The following FRMD6 variants were observed in gnomAD, a reference collection of about 807,000 sequenced individuals.
FRMD6 encodes FERM domain-containing protein 6.
A neutral mutation model predicts 73.2 loss-of-function variants in FRMD6; 37 were observed. The observed-to-expected ratio is 0.51, with a 90% confidence interval of 0.39 to 0.66. FRMD6 has a LOEUF of 0.66. Ranked by LOEUF, FRMD6 falls within the 30% of genes least tolerant of loss-of-function variation. FRMD6 has a pLI of 0.00. For synonymous variants in FRMD6, 273 were observed against 282.2 expected (o/e 0.97, Z 0.33); for missense variants, 714 against 780.5 (o/e 0.91, Z 1.02).
chr14:51,536,947 C>A (rs1446509034), intron 1 of FRMD6, among the ~76,000 whole-genome samples: 2 of 152,118 alleles, frequency 1.3e-5, no homozygotes, highest in African/African-American at 2.4e-5. Flanking sequence ...ACCCCCTGCC[C>A]CCCACACACA....
intron 1 of FRMD6, among the ~76,000 whole-genome samples, chr14:51,653,784 G>T (rs961932093): frequency 6.6e-6 from 1 of 152,154 alleles, no homozygotes; most frequent in Non-Finnish European, 1.5e-5. Context: ...CACAATATGA[G>T]ACAGCTGGCA....
At chr14:51,569,299 G>GC (rs1887968159) in intron 1 of FRMD6, among the ~76,000 whole-genome samples, 1 of 152,082 alleles carries the variant, frequency 6.6e-6, no homozygotes, top group Non-Finnish European at 1.5e-5. Context: ...ACAGACAACA[G>GC]CCTTGCATTA....
At chr14:51,608,865 A>G (rs1890372830) in intron 2 of FRMD6, among the ~76,000 whole-genome samples, 2 of 152,206 alleles carry the variant, frequency 1.3e-5, no homozygotes, top group Admixed American at 1.3e-4. Context: ...ATTGGGAATC[A>G]GTGATCCATA....
intron 2 of FRMD6, among the ~76,000 whole-genome samples, chr14:51,572,929 T>A (rs1888207557): frequency 6.6e-6 from 1 of 152,104 alleles, no homozygotes; most frequent in Non-Finnish European, 1.5e-5. Flanking sequence ...CAGTAAATTT[T>A]TGGAGACAGA....
At chr14:51,443,120 G>A in the FRMD6 span, among the ~76,000 whole-genome samples, 1 of 152,156 alleles carries the variant, frequency 6.6e-6, no homozygotes, top group Non-Finnish European at 1.5e-5. Context: ...TGCCACTACT[G>A]GCTCAGGACA....
intron 1 of FRMD6, among the ~76,000 whole-genome samples, chr14:51,689,005 T>C (rs990870949): frequency 6.6e-6 from 1 of 152,260 alleles, no homozygotes; most frequent in African/African-American, 2.4e-5. Flanking sequence ...TGGTTTGATA[T>C]ATACAGTCTT....
intron 1 of FRMD6, among the ~76,000 whole-genome samples, chr14:51,527,532 TCTC>T (rs1167179444): frequency 6.6e-6 from 1 of 152,124 alleles, no homozygotes; most frequent in Admixed American, 6.6e-5. Flanking sequence ...AATAGTACTC[TCTC>T]CTCCTTTCCC....
At chr14:51,499,628 G>T (rs1265033537) in intron 1 of FRMD6, among the ~76,000 whole-genome samples, 1 of 152,194 alleles carries the variant, frequency 6.6e-6, no homozygotes, top group East Asian at 1.9e-4. Context: ...TCTAATCACT[G>T]TCCCACAGCT....
chr14:51,618,333 A>G (rs1890793411), intron 2 of FRMD6, among the ~76,000 whole-genome samples: 1 of 152,220 alleles, frequency 6.6e-6, no homozygotes, highest in Non-Finnish European at 1.5e-5. Context: ...ACTAGAGTGT[A>G]GAGAGCCAAG....
At chr14:51,463,518 T>A in the FRMD6 span, among the ~76,000 whole-genome samples, 1 of 152,208 alleles carries the variant, frequency 6.6e-6, no homozygotes, top group Admixed American at 6.5e-5. Context: ...CCCATGAATA[T>A]GGAGGGCCAA....
chr14:51,655,314 C>G (rs1168572893), intron 1 of FRMD6, among the ~76,000 whole-genome samples: 1 of 152,166 alleles, frequency 6.6e-6, no homozygotes, highest in African/African-American at 2.4e-5. Context: ...TATATCATTA[C>G]ACATTTTGGG....
chr14:51,453,617 C>G, the FRMD6 span, among the ~76,000 whole-genome samples: 1 of 152,160 alleles, frequency 6.6e-6, no homozygotes, highest in African/African-American at 2.4e-5. Flanking sequence ...TCAAATTATT[C>G]TCTTTAGAAT....
the FRMD6 span, among the ~76,000 whole-genome samples, chr14:51,478,940 C>A: frequency 6.6e-6 from 1 of 152,110 alleles, no homozygotes. Flanking sequence ...AGAAGAAATT[C>A]GGAGAAAACC....
chr14:51,517,436 A>G (rs1238457722), intron 1 of FRMD6, among the ~76,000 whole-genome samples: 2 of 152,186 alleles, frequency 1.3e-5, no homozygotes, highest in African/African-American at 4.8e-5. Context: ...ATTAATAAAG[A>G]GAGCTGTTTA....
At chr14:51,573,219 C>T (rs907056936) in intron 2 of FRMD6, among the ~76,000 whole-genome samples, 1 of 152,152 alleles carries the variant, frequency 6.6e-6, no homozygotes. Flanking sequence ...CCCACTTTGT[C>T]CTCAGTCAGT....
At chr14:51,593,144 G>T (rs537474780) in intron 2 of FRMD6, among the ~76,000 whole-genome samples, 2 of 152,262 alleles carry the variant, frequency 1.3e-5, no homozygotes, top group East Asian at 3.9e-4. Flanking sequence ...AGGGTCCTCG[G>T]TGTAACTGAT....
intron 1 of FRMD6, among the ~76,000 whole-genome samples, chr14:51,553,977 C>T (rs1886980611): frequency 1.3e-5 from 2 of 151,900 alleles, no homozygotes; most frequent in African/African-American, 2.4e-5. Context: ...GGCCATTATC[C>T]AATAAAAAGA....
At chr14:51,695,286 C>T (rs1895868364) in intron 2 of FRMD6, among the ~76,000 whole-genome samples, 1 of 152,134 alleles carries the variant, frequency 6.6e-6, no homozygotes, top group Non-Finnish European at 1.5e-5. Context: ...TTGATGTGTT[C>T]TCCTCTTCTT....
chr14:51,701,067 G>T lies in FRMD6; in HGVS notation c.202G>T (p.Val68Leu), dbSNP rs764034279. 1 of 1,524,186 alleles carries T rather than the reference G, an allele frequency of 6.6e-7. No homozygotes were observed. Among genetic ancestry groups the T allele is most frequent in the Non-Finnish European group, 8.9e-7 (1 of 1,122,532 alleles). 94.4% of individuals were successfully genotyped at this position (1,524,186 alleles called of 1,614,324 possible). A position where few individuals can be genotyped will look rare whatever the true frequency, so the allele number is the denominator to read the frequency against. ...GLSVIQNNEH[V>L]YMELSQKLYK... ...TTTTTAATGTACAGATAATGAACAT[G>T]TGTATATGGAGTTGTCACAAAAGCT... The change falls in exon 4 of 14, where the codon GTG (valine) becomes TTG (leucine). Residue 68 changes from valine to leucine, a missense_variant. Transcript: ENST00000344768.
Sources: allele counts gnomAD v4.1 joint callset (sites outside exome capture counted in the v4.1 genomes callset), GRCh38; gene constraint gnomAD v4.1.1; transcripts MANE v1.5; gene names NCBI Gene and HGNC (gene_info 2026-07-23, HGNC 2026-07-21).